The following CNTNAP5 variants were observed in gnomAD, a reference collection of about 807,000 sequenced individuals.
The protein encoded by CNTNAP5 is contactin-associated protein-like 5.
A neutral mutation model predicts 150.2 loss-of-function variants in CNTNAP5; 72 were observed. The ratio of observed to expected loss-of-function variants is 0.48; its 90% CI spans 0.40 to 0.58. The LOEUF is 0.58. Ranked by LOEUF, CNTNAP5 falls within the 20% of genes least tolerant of loss-of-function variation. The pLI is 0.00. For missense variants in CNTNAP5, 1,636 were observed against 1,626.2 expected, an observed-to-expected ratio of 1.01 and a Z score of -0.10; for synonymous variants, 672 against 619.8, an observed-to-expected ratio of 1.08 and a Z score of -1.25.
chr2:124,223,930 G>T (rs1276018595), intron 2 of CNTNAP5, among the ~76,000 whole-genome samples: 2 of 151,536 alleles, frequency 1.3e-5, no homozygotes, highest in Non-Finnish European at 2.9e-5. Context: ...AGACTCCCAA[G>T]GGGGACAGCC....
rs184959683 is a variant in CNTNAP5, at chr2:124,687,519, C to T, written c.2077+39561C>T. Among the ~76,000 whole-genome samples the T allele has an allele frequency of 4.1e-3, 629 of 152,044 alleles. 3 individuals carry two copies. The highest frequency in any genetic ancestry group is 0.02 in the Middle Eastern group (6 of 294). On this transcript the variant is annotated intron_variant, in intron 13 of 23. Coordinates refer to ENST00000682447, the MANE Select transcript of CNTNAP5 (RefSeq NM_001367498.1). ...ATGGTTCATGGGTTTCCTTTTCACA[C>T]GGAATTACATTTTTCTTAACTTCCT... is the stretch of plus-strand genomic sequence containing the variant.
chr2:124,059,150 G>A (rs540273325), intron 1 of CNTNAP5, among the ~76,000 whole-genome samples: 43 of 151,972 alleles, frequency 2.8e-4, no homozygotes, highest in Non-Finnish European at 4.9e-4. Flanking sequence ...CAGCACTAAC[G>A]CATTTTAAAG....
intron 21 of CNTNAP5, among the ~76,000 whole-genome samples, chr2:124,898,658 A>G (rs566081883): frequency 1.3e-5 from 2 of 151,732 alleles, no homozygotes; most frequent in South Asian, 2.1e-4. Context: ...TGAGTGCTAC[A>G]TTTGTTCAAT....
intron 3 of CNTNAP5, among the ~76,000 whole-genome samples, chr2:124,360,333 G>T (rs1690162275): frequency 6.7e-6 from 1 of 149,634 alleles, no homozygotes; most frequent in Middle Eastern, 3.2e-3. Flanking sequence ...TGTTATGTGT[G>T]AATTTGATCC....
chr2:124,140,177 G>C (rs529772801), intron 1 of CNTNAP5, among the ~76,000 whole-genome samples: 217 of 150,530 alleles, frequency 1.4e-3, no homozygotes, highest in African/African-American at 5.1e-3. Flanking sequence ...ACAGCAGTCT[G>C]AGATCAAACT....
chr2:124,838,810 C>T (rs1317671005), intron 19 of CNTNAP5, among the ~76,000 whole-genome samples: 1 of 151,938 alleles, frequency 6.6e-6, no homozygotes, highest in African/African-American at 2.4e-5. Context: ...TTTTTTCTTC[C>T]TCTATTCTTA....
At chr2:124,543,787 A>G (rs1695445697) in intron 10 of CNTNAP5, among the ~76,000 whole-genome samples, 2 of 152,142 alleles carry the variant, frequency 1.3e-5, no homozygotes, top group Non-Finnish European at 2.9e-5. Context: ...GTTGCTTCCA[A>G]CTTTTGCCAA....
At chr2:124,098,181 T>G (rs911544921) in intron 1 of CNTNAP5, among the ~76,000 whole-genome samples, 6 of 152,256 alleles carry the variant, frequency 3.9e-5, no homozygotes, top group African/African-American at 1.4e-4. Context: ...TTATTTGCTC[T>G]ATTCTTACAA....
chr2:124,447,022 G>A, intron 6 of CNTNAP5, 85 bp downstream of exon 6: 1 of 1,321,804 alleles, frequency 7.6e-7, no homozygotes, highest in East Asian at 2.3e-5. Flanking sequence ...CCAACTGAGA[G>A]AAGTGGTGGG....
chr2:124,313,209 C>A (rs1688879077), intron 3 of CNTNAP5, among the ~76,000 whole-genome samples: 1 of 152,190 alleles, frequency 6.6e-6, no homozygotes, highest in South Asian at 2.1e-4. Context: ...TATGAGGTAA[C>A]TACTCTCGAT....
intron 3 of CNTNAP5, among the ~76,000 whole-genome samples, chr2:124,398,035 C>T (rs1691301831): frequency 6.6e-6 from 1 of 152,134 alleles, no homozygotes; most frequent in Non-Finnish European, 1.5e-5. Context: ...CAGAAATTTC[C>T]TTTAGTGCTG....
intron 10 of CNTNAP5, among the ~76,000 whole-genome samples, chr2:124,560,538 T>C (rs1695866494): frequency 1.5e-5 from 2 of 133,330 alleles, no homozygotes; most frequent in Admixed American, 7.7e-5. Context: ...AAAAAAAAAC[T>C]AAAGTGCAGA....
chr2:124,885,618 C>T (rs1485492164), intron 21 of CNTNAP5, among the ~76,000 whole-genome samples: 1 of 151,202 alleles, frequency 6.6e-6, no homozygotes, highest in African/African-American at 2.4e-5. Flanking sequence ...AGTCACATCT[C>T]ATCTTCACCC....
In CNTNAP5 at chr2:124,429,832, T is replaced by C. The variant is rs376793082; in HGVS notation, c.530-4652T>C. Among the ~76,000 whole-genome samples the C allele has an allele frequency of 5.3e-5, 8 of 152,040 alleles. No homozygotes were observed. The East Asian group carries it at 9.7e-4, about 18-fold the overall frequency. On this transcript the variant is annotated intron_variant, in intron 4 of 23. Coordinates refer to ENST00000682447, the MANE Select transcript of CNTNAP5 (RefSeq NM_001367498.1). ...GGTAAGCTGGCTCTGAATGGTGAAA[T>C]AGATGATGCGCAGGAACTCAGGGGA...
intron 13 of CNTNAP5, among the ~76,000 whole-genome samples, chr2:124,685,418 G>A (rs1044980830): frequency 4.6e-5 from 7 of 151,198 alleles, no homozygotes; most frequent in African/African-American, 1.5e-4. Context: ...TGTGTCAAAG[G>A]CTAAGGCAGC....
At chr2:124,193,317 C>T (rs1427262675) in intron 1 of CNTNAP5, among the ~76,000 whole-genome samples, 1 of 152,212 alleles carries the variant, frequency 6.6e-6, no homozygotes, top group Non-Finnish European at 1.5e-5. Context: ...CATAATTCAA[C>T]CCATAACCTA....
At chr2:124,895,525 CT>C (rs781433640) in intron 21 of CNTNAP5, among the ~76,000 whole-genome samples, 1 of 151,460 alleles carries the variant, frequency 6.6e-6, no homozygotes, top group Non-Finnish European at 1.5e-5. Context: ...ACTGGGTTGG[CT>C]GAGGTGGAAG....
At chr2:124,382,444 A>G (rs1690820089) in intron 3 of CNTNAP5, among the ~76,000 whole-genome samples, 1 of 152,126 alleles carries the variant, frequency 6.6e-6, no homozygotes, top group African/African-American at 2.4e-5. Context: ...TTTCCTAGGG[A>G]AGCATCACTG....
chr2:124,694,108 C>T (rs146620029), intron 13 of CNTNAP5, among the ~76,000 whole-genome samples: 17 of 152,304 alleles, frequency 1.1e-4, no homozygotes, highest in African/African-American at 3.6e-4. Flanking sequence ...TGACCTCCCA[C>T]TTCTAACTTT....
Sources: gnomAD v4.1 joint callset for allele counts (sites outside exome capture counted in the v4.1 genomes callset) on GRCh38, gnomAD v4.1.1 for gene constraint, MANE v1.5 for transcripts, NCBI Gene and HGNC (gene_info 2026-07-23, HGNC 2026-07-21) for gene names.